Variants in MAP3K1 observed in about 807,000 individuals in gnomAD.
The protein encoded by MAP3K1 is MAP/ERK kinase kinase 1.
Under a neutral mutation model 144.2 loss-of-function variants are expected in MAP3K1, and 36 were observed. The ratio of observed to expected loss-of-function variants is 0.25; its 90% CI spans 0.19 to 0.33. MAP3K1 has a LOEUF of 0.33. MAP3K1 is among the 10% of genes least tolerant of loss of function. The probability of loss-of-function intolerance (pLI) is 1.00; values close to 1 mark genes in which losing one functional copy is unlikely to be tolerated. For missense variants in MAP3K1, 1,650 were observed against 1,881.9 expected (o/e 0.88, Z 2.28); for synonymous variants, 718 against 688.7 (o/e 1.04, Z -0.67).
chr5:56,851,617 C>T (rs558612256), intron 1 of MAP3K1, among the ~76,000 whole-genome samples: 4 of 152,212 alleles, frequency 2.6e-5, no homozygotes, highest in Admixed American at 6.5e-5. Context: ...GCTCTGTTTC[C>T]GTGTTAAGTG....
intron 9 of MAP3K1, 78 bp downstream of exon 9, chr5:56,873,083 G>A: frequency 7.3e-7 from 1 of 1,366,264 alleles, no homozygotes; most frequent in Non-Finnish European, 1.0e-6. Context: ...TCCCTCAGTT[G>A]TTCATAATTT....
chr5:56,875,353 G>GT (rs1561195351), intron 10 of MAP3K1, 43 bp downstream of exon 10: 2 of 1,601,576 alleles, frequency 1.2e-6, no homozygotes, highest in Non-Finnish European at 8.5e-7. Flanking sequence ...TGGGTTTGGG[G>GT]TTTTTTGATG....
intron 1 of MAP3K1, among the ~76,000 whole-genome samples, chr5:56,837,014 G>C: frequency 6.6e-6 from 1 of 152,132 alleles, no homozygotes; most frequent in Non-Finnish European, 1.5e-5. Flanking sequence ...TGCTTATGCT[G>C]TGGTTTTAAA....
In MAP3K1 at chr5:56,895,559, T is replaced by G. The variant is rs1442261476; in HGVS notation, c.*1879T>G. 2.2e-5 allele frequency: 5 copies of G among 232,342 alleles called. No homozygotes were observed. In the East Asian group the frequency reaches 3.1e-4, roughly 14 times the overall value. 14.4% of individuals were successfully genotyped at this position (232,342 alleles called of 1,614,324 possible). ...GAACCTCAGCTAATCAGTATTACTT[T>G]GTAGATCACCATGCCCACCACATTT... On this transcript the variant is annotated 3_prime_UTR_variant, in exon 20 of 20. Transcript: ENST00000399503.
intron 6 of MAP3K1, among the ~76,000 whole-genome samples, chr5:56,867,928 TTGGAGAA>T (rs1747726263): frequency 1.3e-5 from 2 of 152,200 alleles, no homozygotes; most frequent in Admixed American, 1.3e-4. Context: ...AATTATGCTT[TTGGAGAA>T]CGTTGAATGG....
At position 56,881,674 on chromosome 5, in the gene MAP3K1, G is replaced by C. The variant is rs1321815795; in HGVS notation, c.2474G>C (p.Arg825Thr). Reference protein sequence around the residue: ...LSRRIYLSSARMVTTVPHVFS... With the variant: ...LSRRIYLSSATMVTTVPHVFS... ...AGAAGGATCTACTTGAGTTCTGCAA[G>C]AATGGTTACTACAGTACCCCATGTG... Residue 825 changes from arginine (R) to threonine (T), a missense_variant, in exon 14 of 20, where the codon AGA becomes ACA. Coordinates refer to ENST00000399503, the MANE Select transcript of MAP3K1 (RefSeq NM_005921.2). 1.2e-6 allele frequency: 2 copies of C among 1,613,994 alleles called. No individual in the cohort carries two copies. Among genetic ancestry groups the C allele is most frequent in the South Asian group, 1.1e-5 (1 of 91,082 alleles).
At chr5:56,881,476 A>G (rs1161800798) in intron 13 of MAP3K1, 94 bp from the exon 14 acceptor site, 1 of 1,096,028 alleles carries the variant, frequency 9.1e-7, no homozygotes, top group Non-Finnish European at 1.4e-6. Context: ...TGGTTTTTGA[A>G]GTATACATGC....
At position 56,881,187 on chromosome 5, in the gene MAP3K1, G is replaced by C. The variant is rs754559934; in HGVS notation, c.2284G>C (p.Asp762His). ...ACTTCTTGGCCGCCTTTGTCTTATA[G>C]ATAGACTGTTGTTGGAATTTCCTGC... ...QELLGRLCLI[D>H]RLLLEFPAEF... Residue 762 changes from aspartate to histidine, a missense_variant, in exon 13 of 20, where the codon GAT (aspartate) becomes CAT (histidine). Coordinates refer to ENST00000399503, the MANE Select transcript of MAP3K1 (RefSeq NM_005921.2). The C allele has an allele frequency of 1.2e-6, 2 of 1,613,770 alleles. No individual in the cohort carries two copies. Among genetic ancestry groups the C allele is most frequent in the South Asian group, 2.2e-5 (2 of 91,076 alleles).
intron 1 of MAP3K1, among the ~76,000 whole-genome samples, chr5:56,842,665 C>T (rs148006121): frequency 4.5e-4 from 69 of 152,174 alleles, no homozygotes; most frequent in African/African-American, 9.6e-4. Flanking sequence ...CAAGGTGTGG[C>T]GGGTAGTAGG....
chr5:56,863,460 C>G (rs1288402021), intron 3 of MAP3K1, among the ~76,000 whole-genome samples: 1 of 152,172 alleles, frequency 6.6e-6, no homozygotes. Context: ...CAAGGTTCAT[C>G]CATGCTATAG....
chr5:56,819,187 C>T (rs2111740658), intron 1 of MAP3K1, among the ~76,000 whole-genome samples: 1 of 152,250 alleles, frequency 6.6e-6, no homozygotes, highest in South Asian at 2.1e-4. Flanking sequence ...CTTTTATTTT[C>T]TTTTCATATC....
intron 9 of MAP3K1, among the ~76,000 whole-genome samples, chr5:56,874,669 TTAAAC>T (rs796277554): frequency 1.6e-4 from 24 of 152,334 alleles, no homozygotes; most frequent in African/African-American, 5.1e-4. Context: ...GTTTTTCTCT[TTAAAC>T]TACCTTAATA....
At position 56,818,215 on chromosome 5, in the gene MAP3K1, G is replaced by A. The variant is rs868319959; in HGVS notation, c.482+2160G>A. The stretch of plus-strand genomic sequence containing the variant: ...TGAATCTGTTCGTATAAAACTTTGT[G>A]GGGAAAGGGCTTGTATCTTATTTGA... On this transcript the variant is annotated intron_variant, in intron 1 of 19. Coordinates refer to ENST00000399503, the MANE Select transcript of MAP3K1 (RefSeq NM_005921.2). Among the ~76,000 whole-genome samples the A allele has an allele frequency of 3.9e-5, 6 of 152,026 alleles. No homozygotes were observed. The Middle Eastern group carries it at 0.01, about 259-fold the overall frequency.
intron 1 of MAP3K1, among the ~76,000 whole-genome samples, chr5:56,842,737 C>T (rs369245423): frequency 6.6e-6 from 1 of 152,112 alleles, no homozygotes; most frequent in South Asian, 2.1e-4. Context: ...GGGAGGAACT[C>T]TAAGAAGTTA....
chr5:56,826,931 G>C (rs1746333918), intron 1 of MAP3K1, among the ~76,000 whole-genome samples: 1 of 152,224 alleles, frequency 6.6e-6, no homozygotes, highest in Non-Finnish European at 1.5e-5. Context: ...CCTGATGACA[G>C]ACAGTGCAGG....
At chr5:56,864,055 G>A (rs832574) in intron 3 of MAP3K1, among the ~76,000 whole-genome samples, 37,763 of 152,042 alleles carry the variant, frequency 0.25, 5,818 homozygotes, top group Non-Finnish European at 0.35. Context: ...CAGGAAGTTG[G>A]ATTTTTAGTT....
chr5:56,894,468 G>T lies in MAP3K1; in HGVS notation c.*788G>T. Reference sequence around the variant, plus strand: ...GACTTAATTTTGTTTTTTTAAATTGGAATACAATAAAGTACTACCTACATT... The same window carrying T: ...GACTTAATTTTGTTTTTTTAAATTGTAATACAATAAAGTACTACCTACATT... On this transcript the variant is annotated 3_prime_UTR_variant, in exon 20 of 20. Transcript: ENST00000399503. The T allele has an allele frequency of 4.3e-6, 1 of 232,106 alleles. No homozygotes were observed. The highest frequency in any genetic ancestry group is 6.1e-5 in the East Asian group (1 of 16,408). 14.4% of individuals were successfully genotyped at this position (232,106 alleles called of 1,614,324 possible). A position where few individuals can be genotyped will look rare whatever the true frequency, so the allele number is the denominator to read the frequency against.
intron 1 of MAP3K1, among the ~76,000 whole-genome samples, chr5:56,816,287 G>A (rs940281471): frequency 3.3e-5 from 5 of 152,112 alleles, no homozygotes; most frequent in Non-Finnish European, 7.4e-5. Context: ...ATTGTTTGCA[G>A]ACATGTGACA....
chr5:56,863,073 T>C (rs938456057), intron 3 of MAP3K1, among the ~76,000 whole-genome samples: 2 of 152,244 alleles, frequency 1.3e-5, no homozygotes, highest in Admixed American at 6.5e-5. Context: ...CTATTTGTTA[T>C]ATAACTAGGG....
Sources: allele counts gnomAD v4.1 joint callset (sites outside exome capture counted in the v4.1 genomes callset), GRCh38; gene constraint gnomAD v4.1.1; transcripts MANE v1.5; gene names NCBI Gene and HGNC (gene_info 2026-07-23, HGNC 2026-07-21).